Variants in ATG2B observed in about 807,000 individuals in gnomAD.
ATG2B encodes the protein autophagy-related protein 2 homolog B.
Under a neutral mutation model 241.3 loss-of-function variants are expected in ATG2B, and 121 were observed. The observed-to-expected ratio is 0.50, with a 90% CI of 0.43 to 0.58. ATG2B has a LOEUF of 0.58. Ranked by LOEUF, ATG2B falls within the 20% of genes least tolerant of loss-of-function variation. The pLI, the probability that ATG2B is intolerant of heterozygous loss-of-function variation, is 0.00. For synonymous variants in ATG2B, 858 were observed against 876.6 expected, an observed-to-expected ratio of 0.98 and a Z score of 0.37; for missense variants, 2,306 against 2,491.6, an observed-to-expected ratio of 0.93 and a Z score of 1.59.
intron 1 of ATG2B, among the ~76,000 whole-genome samples, chr14:96,353,128 C>A (rs1243039692): frequency 6.6e-6 from 1 of 152,114 alleles, no homozygotes; most frequent in Non-Finnish European, 1.5e-5. Flanking sequence ...GGTGTATAGC[C>A]TAGGAGCAAT....
At chr14:96,332,247 G>A in intron 10 of ATG2B, 58 bp downstream of exon 10, 2 of 1,309,166 alleles carry the variant, frequency 1.5e-6, no homozygotes, top group East Asian at 2.3e-5. Context: ...AGCACCAGTA[G>A]AATGGCATTT....
Position 96,322,152 on chromosome 14 carries a change from T to C in ATG2B, c.2839A>G (p.Thr947Ala). 1 of 1,568,964 alleles carries C rather than the reference T, an allele frequency of 6.4e-7. No individual in the cohort carries two copies. The highest frequency in any genetic ancestry group is 8.6e-7 in the Non-Finnish European group (1 of 1,164,284). Reference protein sequence around the residue: ...LELTLPNIYVTLPNKSFYEKL... With the variant: ...LELTLPNIYVALPNKSFYEKL... The stretch of plus-strand genomic sequence containing the variant: ...TCATAAAAGCTCTTATTAGGTAGTG[T>C]TACATAAATATTTGGTAACGTAAGT... Residue 947 changes from threonine (T) to alanine (A), a missense_variant, in exon 18 of 42, where the codon ACA (threonine) becomes GCA (alanine). Thr to Ala is a moderately conservative substitution (Grantham distance 58, BLOSUM62 0). Around this residue, in one of 2 missense-constraint regions of ATG2B, gnomAD observed 1,927 missense variants for 2,011.2 expected, o/e 0.96. Transcript: ENST00000359933.
intron 6 of ATG2B, 42 bp from the exon 7 acceptor site, chr14:96,334,543 A>G: frequency 8.4e-7 from 1 of 1,194,572 alleles, no homozygotes; most frequent in Non-Finnish European, 1.2e-6. Flanking sequence ...AGTATTCTTT[A>G]TAACCTTATC....
chr14:96,319,565 A>G (rs990016911), intron 18 of ATG2B, among the ~76,000 whole-genome samples: 1 of 152,208 alleles, frequency 6.6e-6, no homozygotes, highest in African/African-American at 2.4e-5. Flanking sequence ...AGAGTTGGTT[A>G]TAACTCCTGC....
At chr14:96,297,198 T>C (rs560151373) in intron 34 of ATG2B, among the ~76,000 whole-genome samples, 17 of 152,128 alleles carry the variant, frequency 1.1e-4, no homozygotes, top group African/African-American at 4.1e-4. Context: ...TGCTATTCTT[T>C]GGCCACTAGA....
intron 22 of ATG2B, 32 bp from the exon 23 acceptor site, chr14:96,315,266 C>T: frequency 1.3e-6 from 2 of 1,596,812 alleles, no homozygotes; most frequent in Non-Finnish European, 1.7e-6. Context: ...ATGACATTTA[C>T]CACCTATGTA....
chr14:96,326,005 A>G (rs921697273), intron 14 of ATG2B, 83 bp from the exon 15 acceptor site: 35 of 1,295,996 alleles, frequency 2.7e-5, no homozygotes, highest in Middle Eastern at 1.9e-4. Flanking sequence ...TACAATATGT[A>G]TAATCACTAT....
Position 96,332,635 on chromosome 14 carries a change from T to C in ATG2B, c.1228A>G (p.Met410Val), listed in dbSNP as rs1367346991. The change falls in exon 9 of 42, where the codon ATG becomes GTG. Residue 410 changes from methionine to valine, a missense_variant. Physicochemically the swap from Met to Val is conservative, Grantham distance 21 (BLOSUM62 1). Coordinates refer to ENST00000359933, the MANE Select transcript of ATG2B (RefSeq NM_018036.7). The part of the protein sequence containing the change: ...SSREEEVFFS[M>V]ADMDMSHSLS... Reference sequence around the variant, plus strand: ...CTATGAGACATGTCCATATCAGCCATGGAGAAGAATACTTCTTCTTCTAGA... The same window carrying C: ...CTATGAGACATGTCCATATCAGCCACGGAGAAGAATACTTCTTCTTCTAGA... The C allele has an allele frequency of 3.2e-6, 5 of 1,575,144 alleles. No homozygotes were observed. Among genetic ancestry groups the C allele is most frequent in the Non-Finnish European group, 4.3e-6 (5 of 1,167,766 alleles).
chr14:96,339,935 G>A (rs1204632199), intron 6 of ATG2B, among the ~76,000 whole-genome samples: 1 of 150,970 alleles, frequency 6.6e-6, no homozygotes, highest in Non-Finnish European at 1.5e-5. Context: ...ACTTCCATAT[G>A]ATTCAACAAT....
In ATG2B at chr14:96,281,870, C is replaced by CT. The variant is rs1474721343; in HGVS notation, c.*3884dup. ...ACCAAAAAAGCTGACATCTCAAACTCTGAGTTGTTGAGACTCAAATTTCTC... is the reference window on the plus strand; with the variant it reads ...ACCAAAAAAGCTGACATCTCAAACTCTTGAGTTGTTGAGACTCAAATTTCTC... On this transcript the variant is annotated 3_prime_UTR_variant, in exon 42 of 42. Coordinates refer to ENST00000359933, the MANE Select transcript of ATG2B (RefSeq NM_018036.7). 2.0e-5 allele frequency: 3 copies of CT among 152,218 alleles called. No individual in the cohort carries two copies. Among genetic ancestry groups the CT allele is most frequent in the East Asian group, 3.8e-4 (2 of 5,198 alleles). 9.4% of individuals were successfully genotyped at this position (152,218 alleles called of 1,614,324 possible).
rs1439587000 is a variant in ATG2B, at chr14:96,279,992, T to G, written c.*5763A>C. On this transcript the variant is annotated 3_prime_UTR_variant, in exon 42 of 42. Transcript: ENST00000359933. ...CGACTTTAGCCCCATTCTGAGATTTTGCTTTAATCAGTGTTGACTGTGGCC... is the reference window on the plus strand; with the variant it reads ...CGACTTTAGCCCCATTCTGAGATTTGGCTTTAATCAGTGTTGACTGTGGCC... 2.0e-5 allele frequency: 3 copies of G among 152,410 alleles called. No homozygotes were observed. Among genetic ancestry groups the G allele is most frequent in the Non-Finnish European group, 4.4e-5 (3 of 68,206 alleles). The allele number at this position is 152,410 out of a possible 1,614,324, so 9.4% of individuals were successfully genotyped here.
rs1201389867 is a variant in ATG2B, at chr14:96,332,421, T to C, written c.1363-11A>G. The C allele has an allele frequency of 6.2e-7, 1 of 1,611,528 alleles. No homozygotes were observed. Among genetic ancestry groups the C allele is most frequent in the East Asian group, 2.2e-5 (1 of 44,836 alleles). On this transcript the variant is annotated splice_polypyrimidine_tract_variant and intron_variant, in intron 9 of 41. Transcript: ENST00000359933. ...CCAAGTGGGCTGAAGCTATAAAAGATTTTTTTTAAGCACATGAATGAAGTG... is the reference window on the plus strand; with the variant it reads ...CCAAGTGGGCTGAAGCTATAAAAGACTTTTTTTAAGCACATGAATGAAGTG...
intron 30 of ATG2B, 152 bp from the exon 31 acceptor site, chr14:96,305,967 A>C (rs1176749404): frequency 7.9e-6 from 5 of 635,386 alleles, no homozygotes; most frequent in Non-Finnish European, 1.3e-5. Flanking sequence ...TAGTCACCAC[A>C]AAGATATTCT....
At chr14:96,357,159 A>T (rs563986313) in intron 1 of ATG2B, among the ~76,000 whole-genome samples, 1 of 152,258 alleles carries the variant, frequency 6.6e-6, no homozygotes, top group South Asian at 2.1e-4. Flanking sequence ...ATCTTTATTG[A>T]ATTCTCATCT....
Position 96,311,146 on chromosome 14 carries a change from T to TAA in ATG2B, c.4131_4132insTT (p.Lys1378LeufsTer12). 6.2e-7 allele frequency: 1 copy of TAA among 1,613,510 alleles called. No homozygotes were observed. The highest frequency in any genetic ancestry group is 8.5e-7 in the Non-Finnish European group (1 of 1,179,666). ...GACCTTCTTTGAAAGGCTCCAGGCT[T>TAA]CATATCTGCCTTGTTAGGTGTCTGC... On this transcript the variant is annotated frameshift_variant, in exon 28 of 42. Coordinates refer to ENST00000359933, the MANE Select transcript of ATG2B (RefSeq NM_018036.7). LOFTEE classifies it high-confidence loss of function.
In ATG2B at chr14:96,315,159, C is replaced by T; in HGVS notation, c.3637G>A (p.Glu1213Lys). 6.2e-7 allele frequency: 1 copy of T among 1,613,108 alleles called. No individual in the cohort carries two copies. Among genetic ancestry groups the T allele is most frequent in the South Asian group, 1.1e-5 (1 of 91,024 alleles). The change falls in exon 23 of 42, where the codon GAG becomes AAG. Residue 1213 changes from glutamate to lysine, a missense_variant. By Grantham distance (56) the Glu-to-Lys change is moderately conservative. This residue lies in a region of ATG2B where 1,927 missense variants were observed against 2,011.2 expected (regional missense o/e 0.96). Transcript: ENST00000359933. ...RMLPSGLSWH[E>K]QILYFLNIAD... ...ATATATAACAGCTCTCTTACCTGCT[C>T]ATGCCAGCTAAGCCCAGAAGGAAGC...
At chr14:96,350,353 T>C (rs115634756) in intron 1 of ATG2B, among the ~76,000 whole-genome samples, 3,043 of 151,638 alleles carry the variant, frequency 0.02, 104 homozygotes, top group African/African-American at 0.069. Context: ...AGAAGGAAAA[T>C]TGAAAGAGGT....
intron 2 of ATG2B, among the ~76,000 whole-genome samples, chr14:96,346,743 A>G (rs781693539): frequency 1.2e-4 from 18 of 152,090 alleles, no homozygotes; most frequent in Admixed American, 4.6e-4. Context: ...GAGATTTTTT[A>G]TTTCATGTGT....
chr14:96,285,670 T>TA lies in ATG2B; in HGVS notation c.*84dup. 5 of 1,286,998 alleles carry TA rather than the reference T, an allele frequency of 3.9e-6. No homozygotes were observed. Among genetic ancestry groups the TA allele is most frequent in the Non-Finnish European group, 5.5e-6 (5 of 907,052 alleles). 79.7% of individuals were successfully genotyped at this position (1,286,998 alleles called of 1,614,324 possible). A position where few individuals can be genotyped will look rare whatever the true frequency, so the allele number is the denominator to read the frequency against. On this transcript the variant is annotated 3_prime_UTR_variant, in exon 42 of 42. Coordinates refer to ENST00000359933, the MANE Select transcript of ATG2B (RefSeq NM_018036.7). The surrounding 1 kb of genome is among the most constrained non-coding windows in gnomAD (Gnocchi z 4.2). ...GTTCCTGAGATGAGCACAATAAAAT[T>TA]AAACGAGCTTCCTCTGAAGCTGCTG...
Sources: gnomAD v4.1 joint callset for allele counts (sites outside exome capture counted in the v4.1 genomes callset) on GRCh38, gnomAD v4.1.1 for gene constraint, gnomAD v4.1.1 regional missense constraint, Gnocchi (gnomAD v3.1) non-coding constraint, MANE v1.5 for transcripts, NCBI Gene and HGNC (gene_info 2026-07-23, HGNC 2026-07-21) for gene names.